Variants in FCHSD2 observed in about 807,000 individuals in gnomAD.
FCHSD2 encodes F-BAR and double SH3 domains protein 2.
In FCHSD2, 38 loss-of-function variants were observed where a neutral mutation model predicts 108.1. That is an observed-to-expected ratio of 0.35 (90% confidence interval 0.27 to 0.46). FCHSD2 has a LOEUF of 0.46. Ranked by LOEUF, FCHSD2 falls within the 20% of genes least tolerant of loss-of-function variation. The pLI is 1.00. For synonymous variants in FCHSD2, 279 were observed against 314.7 expected (o/e 0.89, Z 1.20); for missense variants, 751 against 897.8 (o/e 0.84, Z 2.09).
At chr11:72,920,840 A>C (rs1451321119) in intron 9 of FCHSD2, among the ~76,000 whole-genome samples, 4 of 152,172 alleles carry the variant, frequency 2.6e-5, no homozygotes, top group Admixed American at 2.0e-4. Flanking sequence ...ACATGACAGG[A>C]CTTCAAAGCA....
chr11:72,980,957 A>T lies in FCHSD2; in HGVS notation c.705+3131T>A, dbSNP rs190974896. 1.3e-3 allele frequency among the ~76,000 whole-genome samples: 195 copies of T among 152,228 alleles called. 1 individual carries two copies. The highest frequency in any genetic ancestry group is 4.5e-3 in the African/African-American group (187 of 41,536). On this transcript the variant is annotated intron_variant, in intron 8 of 19. Transcript: ENST00000409418. ...TACCCATATAGGGCATTATCACCTT[A>T]ACATTAATTCAGAAAAATAGATATT...
chr11:72,877,042 G>A (rs1247897332), intron 12 of FCHSD2, among the ~76,000 whole-genome samples: 1 of 151,788 alleles, frequency 6.6e-6, no homozygotes, highest in Non-Finnish European at 1.5e-5. Flanking sequence ...TACGATCACG[G>A]CTCAGTGCAG....
At chr11:73,064,968 A>G (rs1271833274) in intron 3 of FCHSD2, among the ~76,000 whole-genome samples, 2 of 152,184 alleles carry the variant, frequency 1.3e-5, no homozygotes, top group African/African-American at 4.8e-5. Context: ...AACTATTCCA[A>G]ACAATAGAAA....
chr11:72,872,572 T>A (rs1266088435), intron 12 of FCHSD2, among the ~76,000 whole-genome samples: 1 of 152,178 alleles, frequency 6.6e-6, no homozygotes, highest in Non-Finnish European at 1.5e-5. Context: ...CTAACTTCTC[T>A]CACTTTGCAT....
intron 10 of FCHSD2, among the ~76,000 whole-genome samples, chr11:72,890,861 C>G (rs1158723914): frequency 6.6e-6 from 1 of 151,586 alleles, no homozygotes; most frequent in Admixed American, 6.6e-5. Context: ...TCTTAAAGAC[C>G]CAAGAAAAAC....
chr11:73,014,446 G>A (rs1857927280), intron 4 of FCHSD2, among the ~76,000 whole-genome samples: 1 of 151,878 alleles, frequency 6.6e-6, no homozygotes, highest in South Asian at 2.1e-4. Flanking sequence ...TTCCTGTTTT[G>A]CTTTAATATG....
chr11:72,921,984 T>C lies in FCHSD2; in HGVS notation c.706-34A>G, dbSNP rs761401509. On this transcript the variant is annotated intron_variant, in intron 8 of 19. Transcript: ENST00000409418. ...GAGGAGTAAATAAAAGAAAAAAAAT[T>C]ACAGTAAAGCCTTGACATATGATAT... The C allele has an allele frequency of 8.7e-6, 13 of 1,502,628 alleles. No homozygotes were observed. The African/African-American group carries it at 1.7e-4, about 19-fold the overall frequency. 93.1% of individuals were successfully genotyped at this position (1,502,628 alleles called of 1,614,324 possible). A position where few individuals can be genotyped will look rare whatever the true frequency, so the allele number is the denominator to read the frequency against.
intron 14 of FCHSD2, among the ~76,000 whole-genome samples, chr11:72,848,724 T>C (rs1282701848): frequency 6.6e-6 from 1 of 152,194 alleles, no homozygotes; most frequent in East Asian, 1.9e-4. Flanking sequence ...GAATGTTGAA[T>C]GAATGTGAAC....
chr11:72,936,739 AT>A (rs1459640091), intron 8 of FCHSD2, among the ~76,000 whole-genome samples: 3 of 152,180 alleles, frequency 2.0e-5, no homozygotes, highest in Non-Finnish European at 4.4e-5. Flanking sequence ...CAGTTATTGT[AT>A]TTTTAACTCC....
intron 3 of FCHSD2, among the ~76,000 whole-genome samples, chr11:73,021,746 TA>T (rs887150113): frequency 6.6e-6 from 1 of 151,974 alleles, no homozygotes; most frequent in African/African-American, 2.4e-5. Context: ...GACAGAATTC[TA>T]AAAAAACTAG....
At chr11:72,942,512 T>C (rs1267153614) in intron 8 of FCHSD2, among the ~76,000 whole-genome samples, 1 of 152,250 alleles carries the variant, frequency 6.6e-6, no homozygotes, top group Admixed American at 6.5e-5. Context: ...AACATGTATA[T>C]GTAATACATG....
At chr11:72,999,229 T>G (rs1591470920) in intron 5 of FCHSD2, among the ~76,000 whole-genome samples, 1 of 152,130 alleles carries the variant, frequency 6.6e-6, no homozygotes, top group Non-Finnish European at 1.5e-5. Flanking sequence ...ATTTAACAAT[T>G]GCTTAGATGT....
chr11:72,950,194 T>C (rs1250513219), intron 8 of FCHSD2, among the ~76,000 whole-genome samples: 1 of 152,202 alleles, frequency 6.6e-6, no homozygotes, highest in Non-Finnish European at 1.5e-5. Context: ...AACTGGGTTA[T>C]TTGTTTTTAT....
At chr11:73,038,036 T>C (rs1008155923) in intron 3 of FCHSD2, among the ~76,000 whole-genome samples, 18 of 152,248 alleles carry the variant, frequency 1.2e-4, no homozygotes, top group Non-Finnish European at 1.3e-4. Context: ...ACAAGTCTTC[T>C]GCTAGATGCT....
intron 2 of FCHSD2, among the ~76,000 whole-genome samples, chr11:73,093,608 CTTTT>C (rs935084570): frequency 6.8e-6 from 1 of 148,118 alleles, no homozygotes; most frequent in Non-Finnish European, 1.5e-5. Flanking sequence ...TTGATGATTT[CTTTT>C]TTTTTTGAGA....
At chr11:72,965,617 A>C (rs987116742) in intron 8 of FCHSD2, among the ~76,000 whole-genome samples, 1 of 152,200 alleles carries the variant, frequency 6.6e-6, no homozygotes. Flanking sequence ...GTGACTCTTC[A>C]TAAGTCTTCA....
In FCHSD2 at chr11:72,841,458, T is replaced by C. The variant is rs142241169; in HGVS notation, c.2052A>G (p.Ala684=). 25 of 1,611,014 alleles carry C rather than the reference T, an allele frequency of 1.6e-5. No homozygotes were observed. The African/African-American group carries it at 2.9e-4, about 19-fold the overall frequency. Residue 684 remains alanine, a synonymous_variant, in exon 18 of 20, where the codon GCA becomes GCG. Transcript: ENST00000409418. ...SSLYFPRSPS[A]NEKSLHAESP... is the part of the protein sequence containing the mutation. Reference sequence around the variant, plus strand: ...CATGCCCAGGAGAACCCTTACCGTTTGCTGAAGGAGACCGGGGAAAGTACA... The same window carrying C: ...CATGCCCAGGAGAACCCTTACCGTTCGCTGAAGGAGACCGGGGAAAGTACA...
At chr11:72,855,028 C>G (rs1200586543) in intron 13 of FCHSD2, among the ~76,000 whole-genome samples, 2 of 152,164 alleles carry the variant, frequency 1.3e-5, no homozygotes, top group Non-Finnish European at 2.9e-5. Context: ...AATCCCTGCA[C>G]TTTGGGAGGC....
chr11:72,844,799 G>T (rs947790762), intron 14 of FCHSD2, among the ~76,000 whole-genome samples: 1 of 151,876 alleles, frequency 6.6e-6, no homozygotes, highest in Non-Finnish European at 1.5e-5. Flanking sequence ...GGCAAAAAAG[G>T]GGTCATTTTC....
Sources: gnomAD v4.1 joint callset for allele counts (sites outside exome capture counted in the v4.1 genomes callset) on GRCh38, gnomAD v4.1.1 for gene constraint, MANE v1.5 for transcripts, NCBI Gene and HGNC (gene_info 2026-07-23, HGNC 2026-07-21) for gene names.